Variants in SLMAP observed in about 807,000 individuals in gnomAD.
The protein encoded by SLMAP is sarcolemma associated protein.
SLMAP carries 44 observed loss-of-function variants against 128.8 expected under a neutral mutation model. The ratio of observed to expected loss-of-function variants is 0.34; its 90% CI spans 0.27 to 0.44. The LOEUF (loss-of-function observed/expected upper bound fraction) is 0.44, where lower values mean the gene tolerates loss of function less well. Among genes scored for constraint, SLMAP ranks in the 20% least tolerant of loss-of-function variants. SLMAP has a pLI of 1.00. For synonymous variants in SLMAP, 327 were observed against 348.8 expected (o/e 0.94, Z 0.70); for missense variants, 787 against 985.3 (o/e 0.80, Z 2.69).
chr3:57,858,799 G>A (rs553627588), intron 8 of SLMAP, among the ~76,000 whole-genome samples: 2 of 152,156 alleles, frequency 1.3e-5, no homozygotes, highest in East Asian at 1.9e-4. Flanking sequence ...AAAATTAGCC[G>A]GGCATGGTGG....
rs541958118 is a variant in SLMAP, at chr3:57,835,995, A to G, written c.346+4465A>G. Among the ~76,000 whole-genome samples, 7 of 152,318 alleles carry G rather than the reference A, an allele frequency of 4.6e-5. No homozygotes were observed. The South Asian group carries it at 8.3e-4, about 18-fold the overall frequency. ...GGCATCAGTGTGTATCATACTAAAA[A>G]CAATGGAAGCATAATTTTAAAACTC... On this transcript the variant is annotated intron_variant, in intron 3 of 24. Coordinates refer to ENST00000671191, the MANE Select transcript of SLMAP (RefSeq NM_001377540.1).
intron 2 of SLMAP, among the ~76,000 whole-genome samples, chr3:57,795,348 G>T (rs2086479449): frequency 6.6e-6 from 1 of 152,116 alleles, no homozygotes; most frequent in African/African-American, 2.4e-5. Context: ...GACCAGCCTG[G>T]CCAGCGTCGT....
At chr3:57,767,260 A>G (rs1196525819) in intron 2 of SLMAP, among the ~76,000 whole-genome samples, 3 of 152,200 alleles carry the variant, frequency 2.0e-5, no homozygotes, top group Non-Finnish European at 4.4e-5. Context: ...CAAAATAACT[A>G]TGATGCAAAT....
intron 6 of SLMAP, 27 bp from the exon 7 acceptor site, chr3:57,857,706 A>G (rs1168978354): frequency 6.9e-7 from 1 of 1,440,354 alleles, no homozygotes; most frequent in Non-Finnish European, 9.8e-7. Context: ...AGCTTATTAG[A>G]ATCTGTTTTG....
At chr3:57,766,085 G>A (rs139568650) in intron 2 of SLMAP, among the ~76,000 whole-genome samples, 1,722 of 144,248 alleles carry the variant, frequency 0.012, 23 homozygotes, top group African/African-American at 0.042. Flanking sequence ...TGTAAGCTCC[G>A]CCTCCCGGGT....
rs150233939 is a variant in SLMAP, at chr3:57,779,173, G to A, written c.198+21324G>A. Among the ~76,000 whole-genome samples, 154 of 152,132 alleles carry A rather than the reference G, an allele frequency of 1.0e-3. 1 individual carries two copies. Among genetic ancestry groups the A allele is most frequent in the African/African-American group, 3.5e-3 (147 of 41,518 alleles). ...AGAAATGTTGAATAAAAAGAGCAAG[G>A]TGCAAAAGAATACTTACACTGTGAT... On this transcript the variant is annotated intron_variant, in intron 2 of 24. Transcript: ENST00000671191.
chr3:57,847,972 G>A (rs184611596), intron 5 of SLMAP, among the ~76,000 whole-genome samples: 2 of 152,250 alleles, frequency 1.3e-5, no homozygotes, highest in Admixed American at 1.3e-4. Context: ...AGATTATTCA[G>A]AAGTAAATAA....
At chr3:57,761,670 A>G (rs1317803768) in intron 2 of SLMAP, among the ~76,000 whole-genome samples, 3 of 152,166 alleles carry the variant, frequency 2.0e-5, no homozygotes, top group Non-Finnish European at 4.4e-5. Flanking sequence ...GGCGGTCGAC[A>G]ATTGGGGTAA....
chr3:57,880,358 C>T (rs2095705718), intron 14 of SLMAP, among the ~76,000 whole-genome samples: 1 of 151,818 alleles, frequency 6.6e-6, no homozygotes, highest in Admixed American at 6.6e-5. Context: ...CATGCCACCA[C>T]GCCCAGCTAA....
intron 6 of SLMAP, among the ~76,000 whole-genome samples, 171 bp downstream of exon 6, chr3:57,849,987 A>G (rs1166747580): frequency 6.6e-6 from 1 of 152,186 alleles, no homozygotes; most frequent in Non-Finnish European, 1.5e-5. Flanking sequence ...CAACCTGGGC[A>G]ATAAAGTGAG....
chr3:57,861,302 G>C (rs1269395944), intron 9 of SLMAP, among the ~76,000 whole-genome samples: 2 of 152,126 alleles, frequency 1.3e-5, no homozygotes, highest in African/African-American at 4.8e-5. Context: ...GTCCTTTCTA[G>C]GTCTTGGAGG....
At position 57,831,855 on chromosome 3, in the gene SLMAP, G is replaced by A. The variant is rs113404781; in HGVS notation, c.346+325G>A. On this transcript the variant is annotated intron_variant, in intron 3 of 24. Transcript: ENST00000671191. ...TTAATGAGAGATCTGGAGGCAGATAGGTTCATTTGTTCAGTTGACTCAATG... is the reference window on the plus strand; with the variant it reads ...TTAATGAGAGATCTGGAGGCAGATAAGTTCATTTGTTCAGTTGACTCAATG... 3.2e-3 allele frequency among the ~76,000 whole-genome samples: 492 copies of A among 152,220 alleles called. 3 individuals are homozygous for A. The highest frequency in any genetic ancestry group is 0.011 in the African/African-American group (470 of 41,538).
intron 2 of SLMAP, among the ~76,000 whole-genome samples, chr3:57,824,977 A>G (rs1290675757): frequency 6.6e-6 from 1 of 152,162 alleles, no homozygotes; most frequent in Non-Finnish European, 1.5e-5. Flanking sequence ...TTACCTCCTC[A>G]GTTAAATTTA....
At chr3:57,816,942 A>G (rs1023838043) in intron 2 of SLMAP, among the ~76,000 whole-genome samples, 1 of 152,214 alleles carries the variant, frequency 6.6e-6, no homozygotes, top group Non-Finnish European at 1.5e-5. Flanking sequence ...GGGCACTGCT[A>G]GTAGTTAAGC....
intron 10 of SLMAP, among the ~76,000 whole-genome samples, chr3:57,862,792 A>G (rs1044425973): frequency 1.3e-5 from 2 of 152,188 alleles, no homozygotes; most frequent in Non-Finnish European, 2.9e-5. Context: ...AGATTTCTAT[A>G]AAAAAAGATT....
intron 17 of SLMAP, among the ~76,000 whole-genome samples, chr3:57,905,180 G>A (rs1042258779): frequency 1.3e-5 from 2 of 152,220 alleles, no homozygotes; most frequent in African/African-American, 4.8e-5. Flanking sequence ...GTGTGGTTCT[G>A]TGTGTATGCA....
In SLMAP at chr3:57,928,261, A is replaced by G. The variant is rs1053271481; in HGVS notation, c.*972A>G. 3 of 152,022 alleles carry G rather than the reference A, an allele frequency of 2.0e-5. No individual in the cohort carries two copies. The highest frequency in any genetic ancestry group is 2.9e-5 in the Non-Finnish European group (2 of 67,994). The allele number at this position is 152,022 out of a possible 1,614,324, so 9.4% of individuals were successfully genotyped here. ...TCTCATATACAGCATTTTAGGAAGC[A>G]TGATTTTTTTTTTCTATCATCTATT... On this transcript the variant is annotated 3_prime_UTR_variant, in exon 25 of 25. Coordinates refer to ENST00000671191, the MANE Select transcript of SLMAP (RefSeq NM_001377540.1).
At chr3:57,851,246 T>C (rs185058127) in intron 6 of SLMAP, among the ~76,000 whole-genome samples, 38 of 152,290 alleles carry the variant, frequency 2.5e-4, no homozygotes, top group Admixed American at 3.9e-4. Flanking sequence ...GCTGTGCTGC[T>C]GGATTCACAG....
intron 2 of SLMAP, among the ~76,000 whole-genome samples, chr3:57,778,597 G>T: frequency 1.5e-5 from 2 of 130,194 alleles, no homozygotes; most frequent in East Asian, 2.2e-4. Flanking sequence ...TTTGAGACCA[G>T]GCCTTGCTGT....
Sources: gnomAD v4.1 joint callset for allele counts (sites outside exome capture counted in the v4.1 genomes callset) on GRCh38, gnomAD v4.1.1 for gene constraint, MANE v1.5 for transcripts, NCBI Gene and HGNC (gene_info 2026-07-23, HGNC 2026-07-21) for gene names.